ATL1: variants seen among roughly 807,000 people sequenced by gnomAD.
ATL1 encodes the protein atlastin-1.
ATL1 carries 31 observed loss-of-function variants against 75.5 expected under a neutral mutation model. The ratio of observed to expected loss-of-function variants is 0.41; its 90% CI spans 0.31 to 0.55. ATL1 has a LOEUF of 0.55. Among genes scored for constraint, ATL1 ranks in the 20% least tolerant of loss-of-function variants. ATL1 has a pLI of 0.27. For missense variants in ATL1, 405 were observed against 662.6 expected, an observed-to-expected ratio of 0.61 and a Z score of 4.27; for synonymous variants, 226 against 233.3, an observed-to-expected ratio of 0.97 and a Z score of 0.28.
At chr14:50,629,947 G>C in intron 12 of ATL1, 48 bp from the exon 13 acceptor site, 2 of 1,447,354 alleles carry the variant, frequency 1.4e-6, no homozygotes, top group Non-Finnish European at 1.9e-6. Context: ...TGTTAATAAA[G>C]CAGGATATAT....
intron 1 of ATL1, among the ~76,000 whole-genome samples, chr14:50,544,842 C>G (rs1330297708): frequency 6.9e-6 from 1 of 144,334 alleles, no homozygotes; most frequent in Non-Finnish European, 1.5e-5. Context: ...AAGGCTGAAG[C>G]AGGAGGATTG....
At chr14:50,535,756 G>A (rs985517842) in intron 1 of ATL1, among the ~76,000 whole-genome samples, 6 of 152,232 alleles carry the variant, frequency 3.9e-5, no homozygotes, top group Middle Eastern at 3.4e-3. Flanking sequence ...GAAGGCAGTC[G>A]ATATCCCTTT....
intron 1 of ATL1, chr14:50,542,622 A>G (rs376196234): frequency 2.6e-5 from 4 of 152,212 alleles, no homozygotes; most frequent in African/African-American, 7.2e-5. Flanking sequence ...ACAAATGTCC[A>G]TTGGACCTGC....
intron 1 of ATL1, chr14:50,571,933 A>G (rs1285536455): frequency 3.0e-6 from 1 of 328,038 alleles, no homozygotes; most frequent in Admixed American, 4.0e-5. Flanking sequence ...AAGTCTTCTA[A>G]CATGATGGTA....
chr14:50,592,927 A>ATATAT (rs1214718280), intron 4 of ATL1, among the ~76,000 whole-genome samples: 46 of 99,278 alleles, frequency 4.6e-4, no homozygotes, highest in African/African-American at 9.3e-4. Context: ...AAAAAAAAAA[A>ATATAT]AAATATATAT....
At position 50,604,819 on chromosome 14, in the gene ATL1, G is replaced by A. The variant is rs548557883; in HGVS notation, c.631-8440G>A. ...ATACAAAAAGAAAATACCATATTTCGTTAGTTAAGACTAACAGAAAAATGT... is the reference window on the plus strand; with the variant it reads ...ATACAAAAAGAAAATACCATATTTCATTAGTTAAGACTAACAGAAAAATGT... On this transcript the variant is annotated intron_variant, in intron 6 of 13. Coordinates refer to ENST00000358385, the MANE Select transcript of ATL1 (RefSeq NM_015915.5). Among the ~76,000 whole-genome samples, 245 of 152,084 alleles carry A rather than the reference G, an allele frequency of 1.6e-3. 1 individual carries two copies. The highest frequency in any genetic ancestry group is 0.01 in the Middle Eastern group (3 of 294).
chr14:50,576,771 C>T (rs912922671), intron 1 of ATL1, among the ~76,000 whole-genome samples: 12 of 152,176 alleles, frequency 7.9e-5, no homozygotes, highest in African/African-American at 2.9e-4. Context: ...GAGATGGCAC[C>T]TTGCTGTGTT....
chr14:50,591,653 C>G lies in ATL1; in HGVS notation c.522+14C>G. ...AGCTCAATACAGGTATGAAATAAGC[C>G]CATTTTGATGATGTTTCTTTAACTA... On this transcript the variant is annotated intron_variant, in intron 4 of 13. Transcript: ENST00000358385. The G allele has an allele frequency of 1.3e-6, 2 of 1,567,020 alleles. No homozygotes were observed. The highest frequency in any genetic ancestry group is 1.8e-6 in the Non-Finnish European group (2 of 1,137,542).
intron 1 of ATL1, among the ~76,000 whole-genome samples, chr14:50,582,541 T>G (rs1037869349): frequency 2.0e-5 from 3 of 150,240 alleles, no homozygotes; most frequent in Non-Finnish European, 4.4e-5. Context: ...TCTCAAGTAG[T>G]TGGGACTACA....
chr14:50,560,461 T>C (rs2038824299), intron 1 of ATL1, 162 bp downstream of exon 1: 1 of 967,118 alleles, frequency 1.0e-6, no homozygotes, highest in Non-Finnish European at 1.6e-6. Flanking sequence ...GGAGGAACCA[T>C]GGCCGAGCGG....
At chr14:50,549,314 C>T (rs1039945301) in intron 1 of ATL1, among the ~76,000 whole-genome samples, 1 of 152,122 alleles carries the variant, frequency 6.6e-6, no homozygotes, top group Non-Finnish European at 1.5e-5. Context: ...CAGGGTGGGC[C>T]ACAGCAAAGG....
intron 5 of ATL1, among the ~76,000 whole-genome samples, chr14:50,594,984 G>A (rs1273869507): frequency 5.6e-5 from 8 of 142,208 alleles, no homozygotes; most frequent in African/African-American, 2.2e-4. Context: ...GCGTGACAGA[G>A]TGAGACCCTG....
At chr14:50,540,196 T>G (rs1398568148) in intron 1 of ATL1, among the ~76,000 whole-genome samples, 1 of 152,156 alleles carries the variant, frequency 6.6e-6, no homozygotes, top group Non-Finnish European at 1.5e-5. Context: ...CAGGAAGAAG[T>G]GAAATCAGGA....
intron 1 of ATL1, among the ~76,000 whole-genome samples, chr14:50,580,507 G>A (rs116206206): frequency 0.012 from 1,791 of 152,102 alleles, 34 homozygotes; most frequent in African/African-American, 0.041. Context: ...GCAATGTGGT[G>A]AATTATGTTA....
At chr14:50,626,294 A>T (rs2039519704) in intron 11 of ATL1, among the ~76,000 whole-genome samples, 1 of 152,244 alleles carries the variant, frequency 6.6e-6, no homozygotes, top group Admixed American at 6.5e-5. Context: ...TTCCAGGAGA[A>T]ATTCACCATT....
chr14:50,602,448 G>A (rs893038526), intron 6 of ATL1, among the ~76,000 whole-genome samples: 1 of 152,104 alleles, frequency 6.6e-6, no homozygotes, highest in African/African-American at 2.4e-5. Flanking sequence ...AGGAGTTTAC[G>A]ATTTAATCAC....
chr14:50,620,526 G>A (rs985493386), intron 8 of ATL1, 73 bp from the exon 9 acceptor site: 6 of 1,504,124 alleles, frequency 4.0e-6, no homozygotes, highest in African/African-American at 1.4e-5. Context: ...GGAGATCAAA[G>A]GATGTTTTAT....
intron 1 of ATL1, among the ~76,000 whole-genome samples, chr14:50,585,717 T>C (rs923385376): frequency 7.2e-5 from 11 of 152,290 alleles, no homozygotes; most frequent in African/African-American, 2.6e-4. Flanking sequence ...TAGTGAGCCA[T>C]TGGGAAGCTA....
At chr14:50,630,075 T>G (rs2039565173) in intron 13 of ATL1, 66 bp downstream of exon 13, 1 of 1,231,412 alleles carries the variant, frequency 8.1e-7, no homozygotes, top group African/African-American at 1.5e-5. Flanking sequence ...TTTTATAAAC[T>G]GACTAAGCCA....
Sources: allele counts gnomAD v4.1 joint callset (sites outside exome capture counted in the v4.1 genomes callset), GRCh38; gene constraint gnomAD v4.1.1; transcripts MANE v1.5; gene names NCBI Gene and HGNC (gene_info 2026-07-23, HGNC 2026-07-21).